The following RBM24 variants were observed in gnomAD, a reference collection of about 807,000 sequenced individuals.
RBM24 encodes the protein RNA binding motif protein 24.
Under a neutral mutation model 23.6 loss-of-function variants are expected in RBM24, and 5 were observed. The ratio of observed to expected loss-of-function variants is 0.21; its 90% CI spans 0.11 to 0.45. The LOEUF (loss-of-function observed/expected upper bound fraction) is 0.45, where lower values mean the gene tolerates loss of function less well. Among genes scored for constraint, RBM24 ranks in the 20% least tolerant of loss-of-function variants. The probability of loss-of-function intolerance (pLI) is 0.99; values close to 1 mark genes in which losing one functional copy is unlikely to be tolerated. For synonymous variants in RBM24, 151 were observed against 129.5 expected (o/e 1.17, Z -1.13); for missense variants, 252 against 314.6 (o/e 0.80, Z 1.51).
chr6:17,289,187 C>A (rs1044098004), intron 3 of RBM24: 2 of 985,380 alleles, frequency 2.0e-6, no homozygotes. Flanking sequence ...GGGAGATTCC[C>A]AGATCACCTT....
chr6:17,281,712 C>T lies in RBM24; in HGVS notation c.131C>T (p.Thr44Ile). The T allele has an allele frequency of 6.4e-7, 1 of 1,551,976 alleles. No individual in the cohort carries two copies. The highest frequency in any genetic ancestry group is 1.2e-5 in the South Asian group (1 of 84,080). Reference protein sequence around the residue: ...FGEIEEAVVITDRQTGKSRGY... With the variant: ...FGEIEEAVVIIDRQTGKSRGY... ...GAGATCGAGGAGGCGGTGGTCATCA[C>T]CGACCGGCAGACGGGCAAGTCCCGG... Residue 44 changes from threonine to isoleucine, a missense_variant, in exon 1 of 4, where the codon ACC (threonine) becomes ATC (isoleucine). By Grantham distance (89) the Thr-to-Ile change is moderately conservative (BLOSUM62 -1). Transcript: ENST00000379052. The surrounding 1 kb of genome is among the most constrained non-coding windows in gnomAD (Gnocchi z 7.1).
intron 3 of RBM24, chr6:17,288,511 C>T: frequency 1.0e-6 from 1 of 985,162 alleles, no homozygotes; most frequent in Non-Finnish European, 1.2e-6. Flanking sequence ...GTCCATTTCA[C>T]ATATGCAAAA....
Position 17,292,972 on chromosome 6 carries a change from CTCTT to C in RBM24, c.*857_*860del. 1 of 152,302 alleles carries C rather than the reference CTCTT, an allele frequency of 6.6e-6. No individual in the cohort carries two copies. Among genetic ancestry groups the C allele is most frequent in the East Asian group, 1.9e-4 (1 of 5,192 alleles). The allele number at this position is 152,302 out of a possible 1,614,324, so 9.4% of individuals were successfully genotyped here. A position where few individuals can be genotyped will look rare whatever the true frequency, so the allele number is the denominator to read the frequency against. The stretch of plus-strand genomic sequence containing the variant: ...ATCAGGCTTTTACTACAACAGCCTT[CTCTT>C]TCTATTTATTGTGTCGACTCGTGGC... On this transcript the variant is annotated 3_prime_UTR_variant, in exon 4 of 4. Transcript: ENST00000379052.
chr6:17,286,928 C>A (rs1020955047), intron 3 of RBM24, among the ~76,000 whole-genome samples: 1 of 152,200 alleles, frequency 6.6e-6, no homozygotes, highest in South Asian at 2.1e-4. Flanking sequence ...AGGAAAATTA[C>A]AACCACCAGT....
At chr6:17,282,072 A>G (rs1048048172) in intron 1 of RBM24, 11 of 1,252,140 alleles carry the variant, frequency 8.8e-6, no homozygotes, top group Non-Finnish European at 9.2e-6. Flanking sequence ...GAACAATTGC[A>G]TTCCCGGGCT....
In RBM24 at chr6:17,290,094, T is replaced by A. The variant is rs1363510082; in HGVS notation, c.348-1662T>A. 2.3e-6 allele frequency: 3 copies of A among 1,288,970 alleles called. No individual in the cohort carries two copies. In the Admixed American group the frequency reaches 6.9e-5, roughly 30 times the overall value. 79.8% of individuals were successfully genotyped at this position (1,288,970 alleles called of 1,614,324 possible). On this transcript the variant is annotated intron_variant, in intron 3 of 3. Coordinates refer to ENST00000379052, the MANE Select transcript of RBM24 (RefSeq NM_001143942.2). ...GTAAAATTGAGTGTATTTTTATCAT[T>A]GGGGCCAAAGTCCACTACCCTCTGA...
At chr6:17,287,412 T>G (rs1035721315) in intron 3 of RBM24, among the ~76,000 whole-genome samples, 1 of 152,196 alleles carries the variant, frequency 6.6e-6, no homozygotes, top group Non-Finnish European at 1.5e-5. Context: ...GAAAAACTTA[T>G]AAACTTGCTA....
rs1365235953 is a variant in RBM24, at chr6:17,287,808, C to CA, written c.347+3108dup. Reference sequence around the variant, plus strand: ...TGGGCGACAGAGCGAGACTCCATCTCAAAAAAAAAAACCAAAAAACAAATT... The same window carrying CA: ...TGGGCGACAGAGCGAGACTCCATCTCAAAAAAAAAAAACCAAAAAACAAATT... On this transcript the variant is annotated intron_variant, in intron 3 of 3. Coordinates refer to ENST00000379052, the MANE Select transcript of RBM24 (RefSeq NM_001143942.2). Among the ~76,000 whole-genome samples, 144 of 137,242 alleles carry CA rather than the reference C, an allele frequency of 1.0e-3. 1 individual carries two copies. Among genetic ancestry groups the CA allele is most frequent in the East Asian group, 4.7e-3 (22 of 4,700 alleles). The allele number at this position is 137,242 out of a possible 152,430, so 90.0% of individuals were successfully genotyped here.
rs915861482 is a variant in RBM24 at position 17,289,323 on chromosome 6, C to G, written c.348-2433C>G. On this transcript the variant is annotated intron_variant, in intron 3 of 3. Transcript: ENST00000379052. ...ATATTTTAGGCTCTCCAAGGTCTTT[C>G]GGGTTCTCCTTTTCCCTCTAAGCCT... is the stretch of plus-strand genomic sequence containing the variant. The G allele has an allele frequency of 1.1e-5, 11 of 985,278 alleles. No homozygotes were observed. In the African/African-American group the frequency reaches 1.7e-4, roughly 16 times the overall value. 61.0% of individuals were successfully genotyped at this position (985,278 alleles called of 1,614,324 possible). A position where few individuals can be genotyped will look rare whatever the true frequency, so the allele number is the denominator to read the frequency against.
At chr6:17,291,391 T>A (rs1760352084) in intron 3 of RBM24, among the ~76,000 whole-genome samples, 1 of 152,248 alleles carries the variant, frequency 6.6e-6, no homozygotes, top group South Asian at 2.1e-4. Flanking sequence ...TTTTATGAAC[T>A]CATTACAAAA....
Position 17,290,181 on chromosome 6 carries a change from G to A in RBM24, c.348-1575G>A. 3 of 976,584 alleles carry A rather than the reference G, an allele frequency of 3.1e-6. No homozygotes were observed. In the East Asian group the frequency reaches 1.8e-4, roughly 60 times the overall value. The allele number at this position is 976,584 out of a possible 1,614,324, so 60.5% of individuals were successfully genotyped here. A position where few individuals can be genotyped will look rare whatever the true frequency, so the allele number is the denominator to read the frequency against. ...GTGCTTTCAGTAAAACTCTGAAAAG[G>A]CAAAGCAAAATCTATGTTTCTGAAA... On this transcript the variant is annotated intron_variant, in intron 3 of 3. Transcript: ENST00000379052.
chr6:17,287,486 G>A (rs1760230315), intron 3 of RBM24, among the ~76,000 whole-genome samples: 1 of 152,152 alleles, frequency 6.6e-6, no homozygotes, highest in Admixed American at 6.5e-5. Context: ...GAAAGGGGAG[G>A]CTACAGATCT....
Position 17,281,883 on chromosome 6 carries a change from C to G in RBM24, c.168+134C>G. On this transcript the variant is annotated intron_variant, in intron 1 of 3. Transcript: ENST00000379052. This position sits in a 1 kb window ranked among gnomAD's most constrained non-coding sequence, Gnocchi z 7.1. ...GTAGAGCGGCGCTGCCCCTTCGCTC[C>G]GGGGTGAACTGAAACTTTGCTAGGG... 4 of 1,360,756 alleles carry G rather than the reference C, an allele frequency of 2.9e-6. No homozygotes were observed. The highest frequency in any genetic ancestry group is 4.0e-6 in the Non-Finnish European group (4 of 1,000,720). 84.3% of individuals were successfully genotyped at this position (1,360,756 alleles called of 1,614,324 possible).
intron 3 of RBM24, among the ~76,000 whole-genome samples, chr6:17,285,916 A>G (rs564322540): frequency 6.6e-6 from 1 of 152,142 alleles, no homozygotes; most frequent in Admixed American, 6.5e-5. Context: ...GGATACTTAA[A>G]TTTTCTTTTT....
In RBM24 at chr6:17,293,532, T is replaced by A. The variant is rs1209189302; in HGVS notation, c.*1413T>A. 1 of 152,424 alleles carries A rather than the reference T, an allele frequency of 6.6e-6. No homozygotes were observed. Among genetic ancestry groups the A allele is most frequent in the Non-Finnish European group, 1.5e-5 (1 of 67,998 alleles). The allele number at this position is 152,424 out of a possible 1,614,324, so 9.4% of individuals were successfully genotyped here. ...TGTGTAGATTTCATTTATTGGTAAT[T>A]CATTAGTTTAACACTATTATGTAGT... On this transcript the variant is annotated 3_prime_UTR_variant, in exon 4 of 4. Transcript: ENST00000379052.
At position 17,292,161 on chromosome 6, in the gene RBM24, CCCAATTTT is replaced by C; in HGVS notation, c.*51_*58del. The stretch of plus-strand genomic sequence containing the variant: ...AAGTTGAATTGTTTTCTCTTTCCCT[CCCAATTTT>C]CCAATTTTTAGTAGCTAATAAGAGA... On this transcript the variant is annotated 3_prime_UTR_variant, in exon 4 of 4. Transcript: ENST00000379052. 1.4e-6 allele frequency: 2 copies of C among 1,457,602 alleles called. No individual in the cohort carries two copies. The highest frequency in any genetic ancestry group is 3.1e-5 in the South Asian group (2 of 65,226). The allele number at this position is 1,457,602 out of a possible 1,614,324, so 90.3% of individuals were successfully genotyped here.
At position 17,292,165 on chromosome 6, in the gene RBM24, AT is replaced by A; in HGVS notation, c.*50del. 1 of 1,452,890 alleles carries A rather than the reference AT, an allele frequency of 6.9e-7. No individual in the cohort carries two copies. Among genetic ancestry groups the A allele is most frequent in the Non-Finnish European group, 9.1e-7 (1 of 1,103,788 alleles). 90.0% of individuals were successfully genotyped at this position (1,452,890 alleles called of 1,614,324 possible). On this transcript the variant is annotated 3_prime_UTR_variant, in exon 4 of 4. Transcript: ENST00000379052. ...TGAATTGTTTTCTCTTTCCCTCCCA[AT>A]TTTCCAATTTTTAGTAGCTAATAAG...
intron 2 of RBM24, among the ~76,000 whole-genome samples, chr6:17,283,571 C>T (rs1760100125): frequency 6.6e-6 from 1 of 152,148 alleles, no homozygotes. Context: ...GAATGTGTCA[C>T]CACACCCAGC....
At chr6:17,282,051 G>A in intron 1 of RBM24, 1 of 1,272,870 alleles carries the variant, frequency 7.9e-7, no homozygotes, top group Non-Finnish European at 1.0e-6. Context: ...CGAGGGAGGG[G>A]CCGCAACCCT....
Sources: allele counts gnomAD v4.1 joint callset (sites outside exome capture counted in the v4.1 genomes callset), GRCh38; gene constraint gnomAD v4.1.1; non-coding constraint Gnocchi (gnomAD v3.1); transcripts MANE v1.5; gene names NCBI Gene and HGNC (gene_info 2026-07-23, HGNC 2026-07-21).